CCDC17: variants seen among roughly 807,000 people sequenced by gnomAD.
The protein encoded by CCDC17 is coiled-coil domain-containing protein 17.
CCDC17 carries 79 observed loss-of-function variants against 68.0 expected under a neutral mutation model. That is an observed-to-expected ratio of 1.16 (90% CI 0.97 to 1.40). The LOEUF (loss-of-function observed/expected upper bound fraction) is 1.40, where lower values mean the gene tolerates loss of function less well. Among genes scored for constraint, CCDC17 ranks in the 40% most tolerant of loss-of-function variants. The pLI is 0.00. For missense variants in CCDC17, 846 were observed against 811.5 expected, an observed-to-expected ratio of 1.04 and a Z score of -0.52; for synonymous variants, 376 against 337.5, an observed-to-expected ratio of 1.11 and a Z score of -1.25.
Position 45,620,853 on chromosome 1 carries a change from TA to T in CCDC17, c.1600-21del. 1 of 1,610,302 alleles carries T rather than the reference TA, an allele frequency of 6.2e-7. No individual in the cohort carries two copies. The highest frequency in any genetic ancestry group is 1.7e-4 in the Middle Eastern group (1 of 6,058). On this transcript the variant is annotated intron_variant, in intron 11 of 12. Transcript: ENST00000528266. Reference sequence around the variant, plus strand: ...ACCTGCCTGGGGAGAGATGAAATGGTATTGCACTTGTACTTTGCTGTATGCC... The same window carrying T: ...ACCTGCCTGGGGAGAGATGAAATGGTTTGCACTTGTACTTTGCTGTATGCC...
chr1:45,621,674 G>T lies in CCDC17; in HGVS notation c.1148C>A (p.Thr383Lys), dbSNP rs775729215. 6.2e-7 allele frequency: 1 copy of T among 1,613,932 alleles called. No individual in the cohort carries two copies. The change falls in exon 9 of 13, where the codon ACA becomes AAA. Residue 383 changes from threonine to lysine, a missense_variant. By Grantham distance (78) the Thr-to-Lys change is moderately conservative (BLOSUM62 -1). Transcript: ENST00000528266. ...GGGTGCAGGGCCCAGCATGTCCGAT[G>T]TGGGCAGGAGGAAGTGTGAGTCCAG... ...LGLDSHFLLP[T>K]SDMLGPAPYD...
chr1:45,622,884 G>A, intron 4 of CCDC17, 50 bp from the exon 5 acceptor site: 3 of 1,573,258 alleles, frequency 1.9e-6, no homozygotes, highest in Non-Finnish European at 2.6e-6. Flanking sequence ...CAGAGGCCCC[G>A]GGGCTGCAGC....
intron 5 of CCDC17, 33 bp from the exon 6 acceptor site, chr1:45,622,700 C>T (rs1244861138): frequency 2.6e-6 from 4 of 1,556,536 alleles, no homozygotes; most frequent in Non-Finnish European, 3.5e-6. Context: ...GCCGTCTTTC[C>T]AGAACTGCTC....
chr1:45,622,609 T>C lies in CCDC17; in HGVS notation c.799A>G (p.Ile267Val), dbSNP rs1644307249. ...GGRDPGVLGQIWQLQVEASAL... is the reference protein window; with the variant it reads ...GGRDPGVLGQVWQLQVEASAL... ...GACGCCTCCACCTGCAACTGCCATATCTGGCCCAGCACGCCGGGGTCCCGG... is the reference window on the plus strand; with the variant it reads ...GACGCCTCCACCTGCAACTGCCATACCTGGCCCAGCACGCCGGGGTCCCGG... The change falls in exon 6 of 13, where the codon ATA becomes GTA. Residue 267 changes from isoleucine to valine, a missense_variant. Ile to Val is a conservative substitution (Grantham distance 29, BLOSUM62 3). Transcript: ENST00000528266. The C allele has an allele frequency of 6.4e-7, 1 of 1,556,678 alleles. No individual in the cohort carries two copies. Among genetic ancestry groups the C allele is most frequent in the South Asian group, 1.2e-5 (1 of 84,404 alleles).
Position 45,623,080 on chromosome 1 carries a change from C to A in CCDC17, c.531G>T (p.Arg177=). 1 of 1,598,710 alleles carries A rather than the reference C, an allele frequency of 6.3e-7. No homozygotes were observed. Among genetic ancestry groups the A allele is most frequent in the East Asian group, 2.3e-5 (1 of 44,068 alleles). The part of the protein sequence containing the change: ...SRRLQVVACT[R]GGMSRLFGLE... The stretch of plus-strand genomic sequence containing the variant: ...GGCCGAAGAGGCGGGACATCCCGCC[C>A]CGCGTACAGGCCACAACTTGGAGGC... The change falls in exon 4 of 13, where the codon CGG becomes CGT. Residue 177 remains arginine (R), a synonymous_variant. Transcript: ENST00000528266.
intron 10 of CCDC17, 46 bp from the exon 11 acceptor site, chr1:45,621,159 C>G: frequency 6.3e-7 from 1 of 1,593,804 alleles, no homozygotes; most frequent in Non-Finnish European, 8.6e-7. Context: ...AGCTACAGTC[C>G]CTTTCTAGGA....
At position 45,622,600 on chromosome 1, in the gene CCDC17, A is replaced by G. The variant is rs1434423548; in HGVS notation, c.808T>C (p.Leu270=). 4 of 1,555,454 alleles carry G rather than the reference A, an allele frequency of 2.6e-6. No homozygotes were observed. In the East Asian group the frequency reaches 9.7e-5, roughly 38 times the overall value. The change falls in exon 6 of 13, where the codon TTG becomes CTG. Residue 270 remains leucine (L), a synonymous_variant. Coordinates refer to ENST00000528266, the MANE Select transcript of CCDC17 (RefSeq NM_001114938.3). ...DPGVLGQIWQ[L]QVEASALELQ... ...TCCAGTGCAGACGCCTCCACCTGCAACTGCCATATCTGGCCCAGCACGCCG... is the reference window on the plus strand; with the variant it reads ...TCCAGTGCAGACGCCTCCACCTGCAGCTGCCATATCTGGCCCAGCACGCCG...
rs1293447469 is a variant in CCDC17, at chr1:45,620,534, C to G, written c.1711-101G>C. 5 of 1,467,830 alleles carry G rather than the reference C, an allele frequency of 3.4e-6. No individual in the cohort carries two copies. The South Asian group carries it at 4.3e-5, about 13-fold the overall frequency. 90.9% of individuals were successfully genotyped at this position (1,467,830 alleles called of 1,614,324 possible). On this transcript the variant is annotated intron_variant, in intron 12 of 12. Coordinates refer to ENST00000528266, the MANE Select transcript of CCDC17 (RefSeq NM_001114938.3). ...TCCTTAGAGTCTCACTTACTGTGAA[C>G]CAAGTTAACCTGCTCCTGCTTTGAT...
rs752207830 is a variant in CCDC17, at chr1:45,623,101, G to C, written c.510C>G (p.Leu170=). The C allele has an allele frequency of 2.5e-6, 4 of 1,576,182 alleles. No homozygotes were observed. In the South Asian group the frequency reaches 3.5e-5, roughly 14 times the overall value. ...CGCCCCGCGTACAGGCCACAACTTG[G>C]AGGCGTCGGCTCAGTTCTGAGGGAA... ...QLRGEELSRR[L]QVVACTRGGM... Residue 170 remains leucine, a synonymous_variant, in exon 4 of 13, where the codon CTC becomes CTG. Coordinates refer to ENST00000528266, the MANE Select transcript of CCDC17 (RefSeq NM_001114938.3).
Position 45,623,900 on chromosome 1 carries a change from G to C in CCDC17, c.10C>G (p.His4Asp). 2.6e-6 allele frequency: 4 copies of C among 1,516,352 alleles called. No individual in the cohort carries two copies. The highest frequency in any genetic ancestry group is 3.5e-6 in the Non-Finnish European group (4 of 1,132,344). 93.9% of individuals were successfully genotyped at this position (1,516,352 alleles called of 1,614,324 possible). ...GGCAGGAGCGCAGGCTCCCCAGAGT[G>C]GGAGTCCATGGGATGGGACCCGTTT... MDS[H>D]SGEPALLPCG... is the part of the protein sequence containing the mutation. Residue 4 changes from histidine to aspartate, a missense_variant, in exon 1 of 13, where the codon CAC becomes GAC. Physicochemically the swap from His to Asp is moderately conservative, Grantham distance 81 (BLOSUM62 -1). Transcript: ENST00000528266.
Position 45,620,781 on chromosome 1 carries a change from A to C in CCDC17, c.1652T>G (p.Val551Gly), listed in dbSNP as rs774469215. The change falls in exon 12 of 13, where the codon GTA becomes GGA. Residue 551 changes from valine (V) to glycine (G), a missense_variant. Transcript: ENST00000528266. ...LRLVNARDAAVQTLAEINPAS... is the reference protein window; with the variant it reads ...LRLVNARDAAGQTLAEINPAS... ...TGGATTGATCTCTGCCAGTGTCTGTACAGCTGCATCTCTTGCATTCACCAG... is the reference window on the plus strand; with the variant it reads ...TGGATTGATCTCTGCCAGTGTCTGTCCAGCTGCATCTCTTGCATTCACCAG... The C allele has an allele frequency of 1.2e-6, 2 of 1,611,600 alleles. No individual in the cohort carries two copies. The highest frequency in any genetic ancestry group is 2.2e-5 in the South Asian group (2 of 90,480).
Position 45,623,845 on chromosome 1 carries a change from G to A in CCDC17, c.65C>T (p.Ser22Phe), listed in dbSNP as rs2148400778. 1.9e-6 allele frequency: 3 copies of A among 1,551,180 alleles called. No individual in the cohort carries two copies. Among genetic ancestry groups the A allele is most frequent in the Non-Finnish European group, 2.6e-6 (3 of 1,146,714 alleles). The change falls in exon 1 of 13, where the codon TCC (serine) becomes TTC (phenylalanine). Residue 22 changes from serine (S) to phenylalanine (F), a missense_variant. Ser to Phe is a radical substitution (Grantham distance 155). Transcript: ENST00000528266. Reference protein sequence around the residue: ...PCGTCDMVFRSSALLATHTQR... With the variant: ...PCGTCDMVFRFSALLATHTQR... ...AGTATGGGTGGCTAACAGAGCTGAGGAGCGGAAAACCATGTCACAGGTCCC... is the reference window on the plus strand; with the variant it reads ...AGTATGGGTGGCTAACAGAGCTGAGAAGCGGAAAACCATGTCACAGGTCCC...
chr1:45,622,821 AGCTCAGCGG>A lies in CCDC17; in HGVS notation c.661_669del (p.Pro221_Ser223del). The A allele has an allele frequency of 3.8e-6, 6 of 1,598,624 alleles. No homozygotes were observed. The highest frequency in any genetic ancestry group is 5.1e-6 in the Non-Finnish European group (6 of 1,172,720). ...GAATAAAGTTCTGCCTCTCGCCGGG[AGCTCAGCGG>A]GTTCCTGGGGTGGCAGGCGACGCGC... On this transcript the variant is annotated inframe_deletion, in exon 5 of 13. Coordinates refer to ENST00000528266, the MANE Select transcript of CCDC17 (RefSeq NM_001114938.3).
intron 12 of CCDC17, 114 bp from the exon 13 acceptor site, chr1:45,620,547 C>T: frequency 1.4e-6 from 2 of 1,469,160 alleles, no homozygotes; most frequent in South Asian, 2.8e-5. Context: ...AGTTAACCTG[C>T]TCCTGCTTTG....
Position 45,623,984 on chromosome 1 carries a change from T to G in CCDC17, c.-75A>C. ...AGGGCAGGGGAAAGGCAGAGGAGGA[T>G]GAAAGAGACATAAAGCCAGAGGCAG... On this transcript the variant is annotated 5_prime_UTR_variant, in exon 1 of 13. Coordinates refer to ENST00000528266, the MANE Select transcript of CCDC17 (RefSeq NM_001114938.3). 1.9e-6 allele frequency: 2 copies of G among 1,055,344 alleles called. No individual in the cohort carries two copies. Among genetic ancestry groups the G allele is most frequent in the African/African-American group, 3.2e-5 (2 of 62,132 alleles). 65.4% of individuals were successfully genotyped at this position (1,055,344 alleles called of 1,614,324 possible).
At chr1:45,622,409 T>C in intron 6 of CCDC17, 61 bp from the exon 7 acceptor site, 1 of 1,520,300 alleles carries the variant, frequency 6.6e-7, no homozygotes, top group Non-Finnish European at 8.9e-7. Flanking sequence ...CGTCCGGCTG[T>C]GAGCAGCTCT....
At chr1:45,622,160 G>C in intron 7 of CCDC17, 81 bp downstream of exon 7, 2 of 1,379,270 alleles carry the variant, frequency 1.5e-6, no homozygotes. Context: ...CACGGGTCTT[G>C]TTCCCCATGC....
At chr1:45,622,191 C>G in intron 7 of CCDC17, 50 bp downstream of exon 7, 2 of 1,539,378 alleles carry the variant, frequency 1.3e-6, no homozygotes, top group Non-Finnish European at 1.8e-6. Flanking sequence ...TGAGCCAGGC[C>G]TGCTGGGGAG....
chr1:45,622,420 C>G, intron 6 of CCDC17, 72 bp from the exon 7 acceptor site: 1 of 1,494,132 alleles, frequency 6.7e-7, no homozygotes. Flanking sequence ...GAGCAGCTCT[C>G]CAGCGCTAAG....
Sources: gnomAD v4.1 joint callset for allele counts on GRCh38, gnomAD v4.1.1 for gene constraint, MANE v1.5 for transcripts, NCBI Gene and HGNC (gene_info 2026-07-23, HGNC 2026-07-21) for gene names.